COX7B2: variants seen among roughly 807,000 people sequenced by gnomAD.
COX7B2 encodes the protein cytochrome c oxidase subunit 7B2, also known as cytochrome c oxidase subunit 7B2, mitochondrial.
For missense variants in COX7B2, 109 were observed against 95.9 expected (o/e 1.14, Z -0.57); for synonymous variants, 37 against 32.1 (o/e 1.15, Z -0.51).
chr4:46,830,424 A>G (rs1050447610), intron 2 of COX7B2, among the ~76,000 whole-genome samples: 3 of 152,118 alleles, frequency 2.0e-5, no homozygotes, highest in Non-Finnish European at 4.4e-5. Flanking sequence ...ATTATACTCC[A>G]TTGAGGAAAA....
intron 1 of COX7B2, among the ~76,000 whole-genome samples, chr4:46,848,747 A>T (rs1300979376): frequency 6.6e-6 from 1 of 152,020 alleles, no homozygotes; most frequent in Non-Finnish European, 1.5e-5. Context: ...ATATGTTTAC[A>T]TACATAATAT....
chr4:46,856,446 T>A (rs1437996805), intron 1 of COX7B2, among the ~76,000 whole-genome samples: 2 of 152,138 alleles, frequency 1.3e-5, no homozygotes, highest in African/African-American at 4.8e-5. Context: ...ACTTTCACTA[T>A]TCAGATTATT....
chr4:46,802,462 T>C (rs1162897956), intron 2 of COX7B2, among the ~76,000 whole-genome samples: 1 of 152,172 alleles, frequency 6.6e-6, no homozygotes, highest in Non-Finnish European at 1.5e-5. Context: ...AATGCTAACG[T>C]TGGAGATATG....
chr4:46,842,395 CT>C (rs923357730), intron 2 of COX7B2, among the ~76,000 whole-genome samples: 21 of 151,766 alleles, frequency 1.4e-4, no homozygotes, highest in African/African-American at 2.2e-4. Context: ...TGTGAGCTCA[CT>C]TTTTTTATTT....
chr4:46,759,568 T>G (rs1265531858), intron 2 of COX7B2, among the ~76,000 whole-genome samples: 1 of 151,898 alleles, frequency 6.6e-6, no homozygotes, highest in Non-Finnish European at 1.5e-5. Context: ...AAGAAGACAT[T>G]TATGCGGCCA....
intron 2 of COX7B2, among the ~76,000 whole-genome samples, chr4:46,791,573 G>A (rs1284357983): frequency 6.6e-6 from 1 of 152,146 alleles, no homozygotes; most frequent in Non-Finnish European, 1.5e-5. Flanking sequence ...AAAGTGACCA[G>A]GAACCTCCAA....
At position 46,869,336 on chromosome 4, in the gene COX7B2, G is replaced by T. The variant is rs186511487; in HGVS notation, c.-104-24322C>A. ...TCTTTTTTATCCAGCTTGTCACTCT[G>T]TGTCTTTTAAGTGGTGCATTTAGTT... On this transcript the variant is annotated intron_variant, in intron 1 of 2. Transcript: ENST00000355591. 1.7e-4 allele frequency among the ~76,000 whole-genome samples: 26 copies of T among 152,184 alleles called. No individual in the cohort carries two copies. The East Asian group carries it at 4.8e-3, about 28-fold the overall frequency.
At chr4:46,795,267 C>A (rs1290259751) in intron 2 of COX7B2, among the ~76,000 whole-genome samples, 3 of 102,246 alleles carry the variant, frequency 2.9e-5, no homozygotes, top group East Asian at 5.1e-4. Context: ...GACATGAAGT[C>A]CTTGCCCACG....
chr4:46,766,608 A>G (rs1716553168), intron 2 of COX7B2, among the ~76,000 whole-genome samples: 1 of 151,014 alleles, frequency 6.6e-6, no homozygotes, highest in African/African-American at 2.4e-5. Context: ...AGGCTGAGGC[A>G]GGAGAATCTC....
intron 1 of COX7B2, among the ~76,000 whole-genome samples, chr4:46,900,353 G>A (rs1445024929): frequency 6.6e-6 from 1 of 152,140 alleles, no homozygotes; most frequent in East Asian, 1.9e-4. Flanking sequence ...CTTGCAGAAA[G>A]AGAGGTGGAC....
chr4:46,848,893 A>C (rs934549420), intron 1 of COX7B2, among the ~76,000 whole-genome samples: 1 of 152,002 alleles, frequency 6.6e-6, no homozygotes, highest in Non-Finnish European at 1.5e-5. Context: ...CTTATATAAA[A>C]TGGTGTCATA....
intron 2 of COX7B2, among the ~76,000 whole-genome samples, chr4:46,773,919 T>C (rs918255016): frequency 3.3e-5 from 5 of 152,112 alleles, no homozygotes; most frequent in African/African-American, 1.2e-4. Flanking sequence ...AAGCTGTACT[T>C]CCACAATAAC....
intron 2 of COX7B2, among the ~76,000 whole-genome samples, chr4:46,761,532 C>T (rs939703824): frequency 1.3e-5 from 2 of 152,128 alleles, no homozygotes; most frequent in East Asian, 3.8e-4. Flanking sequence ...GTTACGGTAA[C>T]ATTCTTTCTT....
intron 2 of COX7B2, among the ~76,000 whole-genome samples, chr4:46,804,088 T>C (rs577431534): frequency 1.3e-5 from 2 of 151,946 alleles, no homozygotes; most frequent in Non-Finnish European, 2.9e-5. Context: ...GGCTCAGGAG[T>C]GAAGCTGCAG....
chr4:46,843,540 A>T (rs111626403), intron 2 of COX7B2, among the ~76,000 whole-genome samples: 1 of 152,022 alleles, frequency 6.6e-6, no homozygotes, highest in Non-Finnish European at 1.5e-5. Flanking sequence ...ATGTTTTTAA[A>T]AACATTCTTT....
At chr4:46,748,747 T>C (rs1215523738) in intron 2 of COX7B2, among the ~76,000 whole-genome samples, 1 of 152,208 alleles carries the variant, frequency 6.6e-6, no homozygotes, top group Admixed American at 6.5e-5. Flanking sequence ...TTCATGTCTA[T>C]ATGGCTATTT....
intron 1 of COX7B2, among the ~76,000 whole-genome samples, chr4:46,893,378 G>T (rs780163321): frequency 6.6e-6 from 1 of 152,084 alleles, no homozygotes; most frequent in Non-Finnish European, 1.5e-5. Flanking sequence ...TACATACTTC[G>T]CTGTTGAACT....
At chr4:46,777,324 T>C (rs187870588) in intron 2 of COX7B2, among the ~76,000 whole-genome samples, 280 of 152,168 alleles carry the variant, frequency 1.8e-3, no homozygotes, top group South Asian at 2.9e-3. Flanking sequence ...GAATTTTGCT[T>C]TTATCAAAGA....
At chr4:46,769,794 C>T (rs543397163) in intron 2 of COX7B2, among the ~76,000 whole-genome samples, 48 of 152,222 alleles carry the variant, frequency 3.2e-4, no homozygotes, top group Middle Eastern at 3.4e-3. Context: ...ACAAATTTCA[C>T]CATCTTGTCA....
Sources: allele counts gnomAD v4.1 joint callset (sites outside exome capture counted in the v4.1 genomes callset), GRCh38; gene constraint gnomAD v4.1.1; transcripts MANE v1.5; gene names NCBI Gene and HGNC (gene_info 2026-07-23, HGNC 2026-07-21).